Variants in FOXP3 observed in about 807,000 individuals in gnomAD.
FOXP3 encodes the protein forkhead box protein P3.
In FOXP3, 5 loss-of-function variants were observed where a neutral mutation model predicts 31.2. The observed-to-expected ratio is 0.16, with a 90% CI of 0.08 to 0.34. FOXP3 has a LOEUF of 0.34. FOXP3 is among the 10% of genes least tolerant of loss of function. The pLI is 1.00. For missense variants in FOXP3, 251 were observed against 363.0 expected, an observed-to-expected ratio of 0.69 and a Z score of 2.51; for synonymous variants, 141 against 148.8, an observed-to-expected ratio of 0.95 and a Z score of 0.38.
At chrX:49,262,503 C>G (rs1557117332) in intron 1 of FOXP3, among the ~76,000 whole-genome samples, 1 of 112,050 alleles carries the variant, frequency 8.9e-6, no homozygotes, top group Non-Finnish European at 1.9e-5. Context: ...AGTCCATTAT[C>G]CCAACAACCC....
rs1279448750 is a variant in FOXP3, at chrX:49,255,390, C to G, written c.816+39G>C. ...TGCAGACCTCCTCCCTGCCCCCCAG[C>G]AGTCTGAGTCTGCCACCACCAGTCC... On this transcript the variant is annotated intron_variant, in intron 8 of 11. Transcript: ENST00000376207. The G allele has an allele frequency of 1.6e-5, 18 of 1,142,806 alleles. 1 individual carries two copies. Among genetic ancestry groups the G allele is most frequent in the Non-Finnish European group, 2.1e-5 (18 of 841,960 alleles). 94.2% of individuals were successfully genotyped at this position (1,142,806 alleles called of 1,213,427 possible).
chrX:49,261,380 A>T (rs1416546829), intron 1 of FOXP3, among the ~76,000 whole-genome samples: 2 of 112,730 alleles, frequency 1.8e-5, no homozygotes, highest in Non-Finnish European at 3.8e-5. Flanking sequence ...TCCGCCAGAG[A>T]TGGCAACAGG....
intron 1 of FOXP3, among the ~76,000 whole-genome samples, chrX:49,261,390 G>C (rs1162180917): frequency 8.9e-6 from 1 of 112,946 alleles, no homozygotes; most frequent in Non-Finnish European, 1.9e-5. Context: ...ATGGCAACAG[G>C]GGGAGGAGGA....
chrX:49,259,090 A>T, intron 1 of FOXP3: 1 of 505,652 alleles, frequency 2.0e-6, no homozygotes. Context: ...GAAGGCGAGA[A>T]GTGGGTAGAT....
chrX:49,250,637 CAA>C lies in FOXP3; in HGVS notation c.*695_*696del, dbSNP rs1310521459. ...TGGCTGTGTGTGTCTGCACGGGACTCAAGAGACCCACTGGGGGGCTGTGCGTG... is the reference window on the plus strand; with the variant it reads ...TGGCTGTGTGTGTCTGCACGGGACTCGAGACCCACTGGGGGGCTGTGCGTG... On this transcript the variant is annotated 3_prime_UTR_variant, in exon 12 of 12. Transcript: ENST00000376207. 5 of 302,469 alleles carry C rather than the reference CAA, an allele frequency of 1.7e-5. No individual in the cohort carries two copies. The highest frequency in any genetic ancestry group is 1.5e-4 in the East Asian group (2 of 13,006). 24.9% of individuals were successfully genotyped at this position (302,469 alleles called of 1,213,427 possible).
Position 49,262,442 on chromosome X carries a change from A to C in FOXP3, c.-23+2219T>G, listed in dbSNP as rs782292564. On this transcript the variant is annotated intron_variant, in intron 1 of 11. Transcript: ENST00000376207. Reference sequence around the variant, plus strand: ...GGAGGACCATGGAGTATGGTTTAACAAATGTGTCTGAGATAATTAGGGAGA... The same window carrying C: ...GGAGGACCATGGAGTATGGTTTAACCAATGTGTCTGAGATAATTAGGGAGA... Among the ~76,000 whole-genome samples the C allele has an allele frequency of 2.7e-5, 3 of 112,503 alleles. No individual in the cohort carries two copies. In the South Asian group the frequency reaches 1.1e-3, roughly 41 times the overall value.
intron 1 of FOXP3, among the ~76,000 whole-genome samples, chrX:49,261,695 T>C (rs1367850905): frequency 8.9e-6 from 1 of 111,871 alleles, no homozygotes; most frequent in Admixed American, 9.4e-5. Context: ...TGTGGGAAGT[T>C]GGGGTCCAAC....
chrX:49,255,390 C>A (rs1279448750), intron 8 of FOXP3, 39 bp downstream of exon 8: 2 of 1,144,279 alleles, frequency 1.7e-6, no homozygotes, highest in Non-Finnish European at 2.4e-6. Context: ...TGCCCCCCAG[C>A]AGTCTGAGTC....
chrX:49,252,535 G>A (rs2066040528), intron 10 of FOXP3, among the ~76,000 whole-genome samples: 1 of 110,342 alleles, frequency 9.1e-6, no homozygotes, highest in Non-Finnish European at 1.9e-5. Flanking sequence ...GTAGGGGTGA[G>A]GTTCAGGTTT....
At chrX:49,259,509 C>T (rs2066097488) in intron 1 of FOXP3, among the ~76,000 whole-genome samples, 1 of 110,381 alleles carries the variant, frequency 9.1e-6, no homozygotes, top group Admixed American at 9.6e-5. Flanking sequence ...GGCCCTCAAG[C>T]CTGGCTCATG....
chrX:49,255,321 C>T (rs2066062418), intron 8 of FOXP3, 108 bp downstream of exon 8: 2 of 783,756 alleles, frequency 2.6e-6, no homozygotes, highest in Non-Finnish European at 3.8e-6. Flanking sequence ...GACAGGGGCC[C>T]CTAGCTCTCA....
intron 10 of FOXP3, among the ~76,000 whole-genome samples, chrX:49,252,560 C>T (rs1490362566): frequency 6.4e-5 from 7 of 109,114 alleles, no homozygotes; most frequent in Non-Finnish European, 1.1e-4. Flanking sequence ...TTAGGTGTGG[C>T]GCTAGGATGA....
intron 4 of FOXP3, 107 bp from the exon 5 acceptor site, chrX:49,257,119 C>G: frequency 1.4e-6 from 1 of 724,238 alleles, no homozygotes; most frequent in Non-Finnish European, 2.1e-6. Context: ...CTCGAAAACC[C>G]TGACTCCCAG....
intron 1 of FOXP3, among the ~76,000 whole-genome samples, chrX:49,260,813 C>T (rs782338168): frequency 2.7e-4 from 31 of 113,042 alleles, no homozygotes; most frequent in African/African-American, 3.9e-4. Flanking sequence ...CGGCCGGATG[C>T]GCCGGGCTTC....
At position 49,258,286 on chromosome X, in the gene FOXP3, A is replaced by G. The variant is rs893642745; in HGVS notation, c.210+10T>C. 2.6e-6 allele frequency: 3 copies of G among 1,156,556 alleles called. No individual in the cohort carries two copies. The highest frequency in any genetic ancestry group is 3.5e-6 in the Non-Finnish European group (3 of 862,998). On this transcript the variant is annotated intron_variant, in intron 2 of 11. Transcript: ENST00000376207. ...ACCCTGCCTGCCCCATCCTGGGCCC[A>G]GGGCCTCACCTGCAGCTGCGATGGT...
Position 49,255,124 on chromosome X carries a change from CT to C in FOXP3, c.816+304del, listed in dbSNP as rs781805799. Among the ~76,000 whole-genome samples the C allele has an allele frequency of 1.3e-4, 14 of 111,169 alleles. No individual in the cohort carries two copies. In the South Asian group the frequency reaches 3.8e-3, roughly 30 times the overall value. ...CACCACGCCTGGCTAATTTTTTGTACTTTTAGTAGACACAGGGTTTCACCAT... is the reference window on the plus strand; with the variant it reads ...CACCACGCCTGGCTAATTTTTTGTACTTTAGTAGACACAGGGTTTCACCAT... On this transcript the variant is annotated intron_variant, in intron 8 of 11. Coordinates refer to ENST00000376207, the MANE Select transcript of FOXP3 (RefSeq NM_014009.4).
chrX:49,255,922 C>G lies in FOXP3; in HGVS notation c.648-120G>C, dbSNP rs782534944. 35 of 585,850 alleles carry G rather than the reference C, an allele frequency of 6.0e-5. 1 individual carries two copies. In the South Asian group the frequency reaches 8.3e-4, roughly 14 times the overall value. The allele number at this position is 585,850 out of a possible 1,213,427, so 48.3% of individuals were successfully genotyped here. On this transcript the variant is annotated intron_variant, in intron 6 of 11. Transcript: ENST00000376207. Reference sequence around the variant, plus strand: ...CTCCTCTGAGCCCCAGCTCCCCTCCCCTCTCTACCTCAGTCTCCCTCTCAC... The same window carrying G: ...CTCCTCTGAGCCCCAGCTCCCCTCCGCTCTCTACCTCAGTCTCCCTCTCAC...
At chrX:49,255,904 G>A in intron 6 of FOXP3, 102 bp from the exon 7 acceptor site, 5 of 703,622 alleles carry the variant, frequency 7.1e-6, no homozygotes, top group Non-Finnish European at 1.1e-5. Flanking sequence ...TCTCTCCTCT[G>A]AGCCCCAGCT....
chrX:49,252,612 G>A (rs1557115731), intron 10 of FOXP3, among the ~76,000 whole-genome samples: 1 of 109,320 alleles, frequency 9.1e-6, no homozygotes, highest in Non-Finnish European at 1.9e-5. Context: ...TGAAGGAGTT[G>A]GGATGGGGTG....
Sources: gnomAD v4.1 joint callset for allele counts (sites outside exome capture counted in the v4.1 genomes callset) on GRCh38, gnomAD v4.1.1 for gene constraint, MANE v1.5 for transcripts, NCBI Gene and HGNC (gene_info 2026-07-23, HGNC 2026-07-21) for gene names.